The following TRPM3 variants were observed in gnomAD, a reference collection of about 807,000 sequenced individuals.
The protein encoded by TRPM3 is long transient receptor potential channel 3.
TRPM3 carries 77 observed loss-of-function variants against 181.2 expected under a neutral mutation model. The ratio of observed to expected loss-of-function variants is 0.42; its 90% CI spans 0.35 to 0.51. The LOEUF is 0.51. Among genes scored for constraint, TRPM3 ranks in the 20% least tolerant of loss-of-function variants. TRPM3 has a pLI of 0.01. For missense variants in TRPM3, 1,759 were observed against 2,196.7 expected, an observed-to-expected ratio of 0.80 and a Z score of 3.98; for synonymous variants, 745 against 796.4, an observed-to-expected ratio of 0.94 and a Z score of 1.09.
intron 1 of TRPM3, among the ~76,000 whole-genome samples, chr9:71,184,954 C>T (rs187026724): frequency 6.6e-6 from 1 of 152,078 alleles, no homozygotes; most frequent in Non-Finnish European, 1.5e-5. Flanking sequence ...GAAACACATA[C>T]ACACACAAAT....
intron 1 of TRPM3, among the ~76,000 whole-genome samples, chr9:71,291,971 G>A (rs1588328717): frequency 6.6e-6 from 1 of 152,038 alleles, no homozygotes; most frequent in East Asian, 1.9e-4. Context: ...TGTAGATCAT[G>A]TTCTTTTACT....
At chr9:71,277,974 A>G (rs924831) in intron 1 of TRPM3, among the ~76,000 whole-genome samples, 1 of 152,092 alleles carries the variant, frequency 6.6e-6, no homozygotes, top group Non-Finnish European at 1.5e-5. Context: ...TTATAAAGAG[A>G]GTGGGACAGC....
At chr9:70,853,615 C>T (rs2095304740) in intron 3 of TRPM3, among the ~76,000 whole-genome samples, 1 of 152,178 alleles carries the variant, frequency 6.6e-6, no homozygotes, top group African/African-American at 2.4e-5. Context: ...ACAAGCTACT[C>T]AAAGTATCCT....
At chr9:70,675,564 T>C (rs2063831593) in intron 9 of TRPM3, among the ~76,000 whole-genome samples, 1 of 152,202 alleles carries the variant, frequency 6.6e-6, no homozygotes, top group Admixed American at 6.5e-5. Flanking sequence ...ACTATATAAT[T>C]ATCTCTGAAA....
At chr9:71,222,855 C>A (rs551107826) in intron 1 of TRPM3, among the ~76,000 whole-genome samples, 1 of 152,280 alleles carries the variant, frequency 6.6e-6, no homozygotes. Context: ...TTTAGACCAG[C>A]CCTAGCCAGA....
intron 1 of TRPM3, among the ~76,000 whole-genome samples, chr9:71,024,007 A>G (rs550364889): frequency 1.3e-5 from 2 of 152,310 alleles, no homozygotes; most frequent in East Asian, 3.9e-4. Context: ...CTTGGGAAAT[A>G]TGAATGAGAG....
intron 1 of TRPM3, among the ~76,000 whole-genome samples, chr9:70,955,095 C>A (rs539826282): frequency 6.6e-6 from 1 of 152,056 alleles, no homozygotes; most frequent in Non-Finnish European, 1.5e-5. Context: ...TTTTCCCCGA[C>A]CTTTGTTTCT....
intron 6 of TRPM3, among the ~76,000 whole-genome samples, chr9:70,784,862 T>C (rs1477831408): frequency 1.3e-5 from 2 of 152,086 alleles, no homozygotes; most frequent in Non-Finnish European, 2.9e-5. Flanking sequence ...TCAGACTGAT[T>C]ATTAATTTTT....
In TRPM3 at chr9:70,994,955, T is replaced by G. The variant is rs1027575459; in HGVS notation, c.177+126223A>C. 3.9e-5 allele frequency among the ~76,000 whole-genome samples: 6 copies of G among 152,230 alleles called. No homozygotes were observed. The South Asian group carries it at 1.2e-3, about 32-fold the overall frequency. On this transcript the variant is annotated intron_variant, in intron 1 of 25. Transcript: ENST00000677713. ...TTCCTGCAGGGCATGTTCTCCATCTTTCTTTGTATTTGCACAGATGATTCA... is the reference window on the plus strand; with the variant it reads ...TTCCTGCAGGGCATGTTCTCCATCTGTCTTTGTATTTGCACAGATGATTCA...
intron 5 of TRPM3, among the ~76,000 whole-genome samples, chr9:70,839,678 A>G (rs776889874): frequency 7.2e-5 from 11 of 152,200 alleles, no homozygotes; most frequent in Non-Finnish European, 1.3e-4. Flanking sequence ...TTTCCAATAC[A>G]TTTCCCAGAT....
At chr9:71,044,917 C>T (rs1262660967) in intron 1 of TRPM3, among the ~76,000 whole-genome samples, 1 of 152,026 alleles carries the variant, frequency 6.6e-6, no homozygotes, top group Non-Finnish European at 1.5e-5. Flanking sequence ...GTGATCCACC[C>T]GCCTCGGCCT....
rs370717736 is a variant in TRPM3 at position 70,943,247 on chromosome 9, T to C, written c.178-78736A>G. 2.3e-3 allele frequency among the ~76,000 whole-genome samples: 350 copies of C among 152,324 alleles called. 1 individual carries two copies. Among genetic ancestry groups the C allele is most frequent in the African/African-American group, 7.8e-3 (323 of 41,564 alleles). On this transcript the variant is annotated intron_variant, in intron 1 of 25. Transcript: ENST00000677713. ...CTACATTTAGATGTAAGTATTTGTA[T>C]AGAACCTTCTACACAGAGAACTTAT... is the stretch of plus-strand genomic sequence containing the variant.
chr9:71,032,038 AT>A (rs1565023393), intron 1 of TRPM3, among the ~76,000 whole-genome samples: 17 of 1,206 alleles, frequency 0.014, no homozygotes, highest in Admixed American at 0.1. Flanking sequence ...ATATAAATAT[AT>A]ATATATATAT....
At chr9:70,921,938 A>ACACACAC (rs2096659366) in intron 1 of TRPM3, among the ~76,000 whole-genome samples, 16 of 72,970 alleles carry the variant, frequency 2.2e-4, no homozygotes, top group African/African-American at 6.7e-4. Flanking sequence ...CACACACACA[A>ACACACAC]ACAAACACAC....
chr9:70,774,863 T>C (rs2081047369), intron 7 of TRPM3: 3 of 142,388 alleles, frequency 2.1e-5, no homozygotes, highest in Non-Finnish European at 4.9e-5. Flanking sequence ...AAAGATGTTA[T>C]TGAAACTGAA....
At chr9:71,003,328 C>G (rs2097635650) in intron 1 of TRPM3, among the ~76,000 whole-genome samples, 1 of 150,572 alleles carries the variant, frequency 6.6e-6, no homozygotes, top group Non-Finnish European at 1.5e-5. Context: ...AGTCATTCTT[C>G]TATGGATGGG....
intron 1 of TRPM3, among the ~76,000 whole-genome samples, chr9:71,319,671 A>G (rs2089010565): frequency 6.6e-6 from 1 of 152,182 alleles, no homozygotes; most frequent in Non-Finnish European, 1.5e-5. Flanking sequence ...AAGCTGACAC[A>G]TAAAATTAAC....
chr9:70,972,727 A>G (rs1290513583), intron 1 of TRPM3, among the ~76,000 whole-genome samples: 1 of 152,106 alleles, frequency 6.6e-6, no homozygotes, highest in Non-Finnish European at 1.5e-5. Context: ...ATCAGTGTAG[A>G]TGTTACTTTT....
chr9:70,889,703 T>G (rs914594885), intron 1 of TRPM3, among the ~76,000 whole-genome samples: 1 of 152,150 alleles, frequency 6.6e-6, no homozygotes, highest in Non-Finnish European at 1.5e-5. Flanking sequence ...TGCCTTACTC[T>G]GAGGTATAAG....
Sources: gnomAD v4.1 joint callset for allele counts (sites outside exome capture counted in the v4.1 genomes callset) on GRCh38, gnomAD v4.1.1 for gene constraint, MANE v1.5 for transcripts, NCBI Gene and HGNC (gene_info 2026-07-23, HGNC 2026-07-21) for gene names.